ATP8A1: variants seen among roughly 807,000 people sequenced by gnomAD.
ATP8A1 encodes ATPase phospholipid transporting 8A1, also known as phospholipid-transporting ATPase IA.
A neutral mutation model predicts 177.7 loss-of-function variants in ATP8A1; 90 were observed. The observed-to-expected ratio is 0.51, with a 90% CI of 0.43 to 0.60. The LOEUF is 0.60. Among genes scored for constraint, ATP8A1 ranks in the 20% least tolerant of loss-of-function variants. The pLI is 0.00. For missense variants in ATP8A1, 1,072 were observed against 1,392.8 expected, an observed-to-expected ratio of 0.77 and a Z score of 3.67; for synonymous variants, 493 against 485.9, an observed-to-expected ratio of 1.01 and a Z score of -0.19.
chr4:42,496,375 T>C (rs981399758), intron 24 of ATP8A1, among the ~76,000 whole-genome samples: 2 of 152,168 alleles, frequency 1.3e-5, no homozygotes, highest in African/African-American at 4.8e-5. Flanking sequence ...TAAACACTTA[T>C]TTTGACTTTG....
chr4:42,542,652 G>T (rs899048370), intron 20 of ATP8A1, among the ~76,000 whole-genome samples: 2 of 151,884 alleles, frequency 1.3e-5, no homozygotes, highest in Admixed American at 6.6e-5. Context: ...TGTTCTCATT[G>T]CTCAACTCCT....
rs1289843990 is a variant in ATP8A1 at position 42,503,517 on chromosome 4, G to A, written c.2087-3C>T. The stretch of plus-strand genomic sequence containing the variant: ...CTTCAACAGTTTGCAGGAGTGTCCT[G>A]TATCCAAACACAGAGTATATTAAAA... On this transcript the variant is annotated splice_polypyrimidine_tract_variant and splice_region_variant and intron_variant, in intron 23 of 36. Coordinates refer to ENST00000381668, the MANE Select transcript of ATP8A1 (RefSeq NM_006095.2). The A allele has an allele frequency of 5.0e-6, 8 of 1,588,116 alleles. No individual in the cohort carries two copies. Among genetic ancestry groups the A allele is most frequent in the South Asian group, 1.1e-5 (1 of 88,472 alleles).
intron 7 of ATP8A1, among the ~76,000 whole-genome samples, chr4:42,589,673 C>T (rs1393375459): frequency 6.6e-6 from 1 of 152,086 alleles, no homozygotes; most frequent in East Asian, 1.9e-4. Context: ...ATCACTGTCA[C>T]AATAGCAATT....
chr4:42,604,699 CAT>C (rs1307962522), intron 5 of ATP8A1, among the ~76,000 whole-genome samples: 11 of 152,184 alleles, frequency 7.2e-5, no homozygotes, highest in African/African-American at 2.7e-4. Flanking sequence ...AAACGGAAAA[CAT>C]ATGTTCACAC....
chr4:42,464,831 T>C, intron 26 of ATP8A1, 31 bp from the exon 27 acceptor site: 3 of 1,612,048 alleles, frequency 1.9e-6, no homozygotes, highest in Non-Finnish European at 2.5e-6. Context: ...AATTAGTATT[T>C]TCCTTTTCAA....
intron 5 of ATP8A1, 106 bp downstream of exon 5, chr4:42,615,927 A>C: frequency 2.8e-6 from 3 of 1,070,470 alleles, no homozygotes; most frequent in Non-Finnish European, 4.1e-6. Flanking sequence ...CAAAACAAAA[A>C]CTTGAGATGC....
chr4:42,514,374 A>G (rs1189757457), intron 22 of ATP8A1, among the ~76,000 whole-genome samples: 3 of 152,232 alleles, frequency 2.0e-5, no homozygotes, highest in Non-Finnish European at 4.4e-5. Context: ...AAGCATTCAT[A>G]AGAAGGAACC....
At chr4:42,456,202 A>G (rs1315770550) in intron 27 of ATP8A1, among the ~76,000 whole-genome samples, 1 of 152,148 alleles carries the variant, frequency 6.6e-6, no homozygotes, top group African/African-American at 2.4e-5. Flanking sequence ...GTTAATGGAT[A>G]TGTAACCTCT....
At chr4:42,455,176 G>A (rs553753229) in intron 29 of ATP8A1, 121 bp downstream of exon 29, 46 of 1,247,518 alleles carry the variant, frequency 3.7e-5, no homozygotes, top group Non-Finnish European at 2.3e-5. Context: ...TGCCATAGTC[G>A]GTACCCTGGA....
At chr4:42,546,323 T>C (rs1469062495) in intron 19 of ATP8A1, among the ~76,000 whole-genome samples, 2 of 150,552 alleles carry the variant, frequency 1.3e-5, no homozygotes, top group Non-Finnish European at 2.9e-5. Context: ...CAGCAAACTA[T>C]TGCAAGGACA....
intron 15 of ATP8A1, among the ~76,000 whole-genome samples, chr4:42,566,383 A>G (rs1412668648): frequency 6.6e-6 from 1 of 152,144 alleles, no homozygotes; most frequent in Non-Finnish European, 1.5e-5. Context: ...AGTCATCTAT[A>G]CTCTTTACTC....
intron 6 of ATP8A1, among the ~76,000 whole-genome samples, chr4:42,593,841 T>A (rs1245345215): frequency 6.6e-6 from 1 of 152,040 alleles, no homozygotes; most frequent in Non-Finnish European, 1.5e-5. Context: ...GAGTATGGCA[T>A]TTCAAAAGGC....
intron 22 of ATP8A1, among the ~76,000 whole-genome samples, chr4:42,515,920 A>C (rs552625699): frequency 6.6e-6 from 1 of 152,322 alleles, no homozygotes; most frequent in South Asian, 2.1e-4. Context: ...CCTTCTGTAA[A>C]ATTATTGGCT....
At chr4:42,630,189 G>A (rs1738581909) in intron 1 of ATP8A1, among the ~76,000 whole-genome samples, 1 of 152,124 alleles carries the variant, frequency 6.6e-6, no homozygotes, top group Admixed American at 6.5e-5. Context: ...CTATTAGAAT[G>A]GTGACAAAGG....
In ATP8A1 at chr4:42,561,385, T is replaced by TTTG. The variant is rs1560461919; in HGVS notation, c.1341-5346_1341-5345insCAA. 1.4e-3 allele frequency: 213 copies of TTTG among 152,372 alleles called. 1 individual carries two copies. The highest frequency in any genetic ancestry group is 4.8e-3 in the African/African-American group (199 of 41,554). 9.4% of individuals were successfully genotyped at this position (152,372 alleles called of 1,614,324 possible). On this transcript the variant is annotated intron_variant, in intron 15 of 36. Coordinates refer to ENST00000381668, the MANE Select transcript of ATP8A1 (RefSeq NM_006095.2). ...GGTGGACATGCCAATGGCTCAAAGG[T>TTTG]AGGCAGCCCTCCAGACATCCCTCTG...
intron 11 of ATP8A1, among the ~76,000 whole-genome samples, chr4:42,579,129 A>T (rs1732765976): frequency 6.6e-6 from 1 of 151,860 alleles, no homozygotes; most frequent in Non-Finnish European, 1.5e-5. Flanking sequence ...GAAAATGTAA[A>T]CTCATTTGAC....
At chr4:42,612,318 C>G (rs145386506) in intron 5 of ATP8A1, among the ~76,000 whole-genome samples, 146 of 151,256 alleles carry the variant, frequency 9.7e-4, no homozygotes, top group Admixed American at 2.4e-3. Flanking sequence ...GTTCATTTAA[C>G]ATGCACACAG....
At chr4:42,446,514 A>T in intron 31 of ATP8A1, 69 bp downstream of exon 31, 2 of 1,497,280 alleles carry the variant, frequency 1.3e-6, no homozygotes, top group Admixed American at 1.8e-5. Flanking sequence ...GTTTAAATTT[A>T]AAAATAAAAT....
intron 15 of ATP8A1, among the ~76,000 whole-genome samples, chr4:42,567,394 C>G (rs1029150394): frequency 5.9e-5 from 9 of 152,060 alleles, no homozygotes; most frequent in African/African-American, 2.2e-4. Flanking sequence ...CAAACATTAG[C>G]CAGGTGTGGT....
Sources: gnomAD v4.1 joint callset for allele counts (sites outside exome capture counted in the v4.1 genomes callset) on GRCh38, gnomAD v4.1.1 for gene constraint, MANE v1.5 for transcripts, NCBI Gene and HGNC (gene_info 2026-07-23, HGNC 2026-07-21) for gene names.